Variants in EXTL1 observed in about 807,000 individuals in gnomAD.
EXTL1 encodes exostosin like glycosyltransferase 1, also known as exostosin-like 1.
Under a neutral mutation model 64.6 loss-of-function variants are expected in EXTL1, and 43 were observed. The ratio of observed to expected loss-of-function variants is 0.67; its 90% CI spans 0.52 to 0.86. The LOEUF (loss-of-function observed/expected upper bound fraction) is 0.86. Ranked by LOEUF, EXTL1 falls within the 40% of genes least tolerant of loss-of-function variation. The probability of loss-of-function intolerance (pLI) is 0.00; values close to 1 mark genes in which losing one functional copy is unlikely to be tolerated. For synonymous variants in EXTL1, 352 were observed against 360.5 expected (o/e 0.98, Z 0.27); for missense variants, 766 against 879.0 (o/e 0.87, Z 1.62).
chr1:26,027,693 A>AAAAAAAAAAAAAAAAAAAAAAAAG (rs1553141858), intron 1 of EXTL1, among the ~76,000 whole-genome samples: 3 of 131,456 alleles, frequency 2.3e-5, no homozygotes, highest in Admixed American at 7.6e-5. Flanking sequence ...CATCTCTAAA[A>AAAAAAAAAAAAAAAAAAAAAAAAG]AAAAAAAAAA....
In EXTL1 at chr1:26,033,320, G is replaced by A. The variant is rs746824263; in HGVS notation, c.1518+5G>A. On this transcript the variant is annotated splice_donor_5th_base_variant and intron_variant, in intron 8 of 10. Coordinates refer to ENST00000374280, the MANE Select transcript of EXTL1 (RefSeq NM_004455.3). This position sits in a 1 kb window ranked among gnomAD's most constrained non-coding sequence, Gnocchi z 5.1. Reference sequence around the variant, plus strand: ...AGCAGTCTTTCCACAAGTGAGGTGAGGGCTGGGCCCAAGAGAAGCCCAGTG... The same window carrying A: ...AGCAGTCTTTCCACAAGTGAGGTGAAGGCTGGGCCCAAGAGAAGCCCAGTG... 1 of 1,612,876 alleles carries A rather than the reference G, an allele frequency of 6.2e-7. No homozygotes were observed. Among genetic ancestry groups the A allele is most frequent in the South Asian group, 1.1e-5 (1 of 91,052 alleles).
intron 1 of EXTL1, among the ~76,000 whole-genome samples, chr1:26,023,760 T>C (rs1291891069): frequency 6.6e-6 from 1 of 152,256 alleles, no homozygotes; most frequent in African/African-American, 2.4e-5. Context: ...TAAGCACTTA[T>C]ATAAATAATG....
chr1:26,031,995 G>C (rs1291218981), intron 6 of EXTL1: 1 of 222,834 alleles, frequency 4.5e-6, no homozygotes, highest in Non-Finnish European at 8.7e-6. Context: ...AAGTGAAGCA[G>C]TTAGCTCAGC....
At position 26,023,095 on chromosome 1, in the gene EXTL1, C is replaced by T; in HGVS notation, c.449C>T (p.Pro150Leu). Reference sequence around the variant, plus strand: ...CAGACTGGAGAGTGCAGCTCAATGCCTCTGCAATGGAACAGGGGCAGGAAC... The same window carrying T: ...CAGACTGGAGAGTGCAGCTCAATGCTTCTGCAATGGAACAGGGGCAGGAAC... ...DAQTGECSSM[P>L]LQWNRGRNHL... Residue 150 changes from proline to leucine, a missense_variant, in exon 1 of 11, where the codon CCT becomes CTT. Pro to Leu is a moderately conservative substitution (Grantham distance 98, BLOSUM62 -3). This residue lies in a region of EXTL1 where 571 missense variants were observed against 647.6 expected (regional missense o/e 0.88). Transcript: ENST00000374280. 1 of 1,613,722 alleles carries T rather than the reference C, an allele frequency of 6.2e-7. No homozygotes were observed. Among genetic ancestry groups the T allele is most frequent in the African/African-American group, 1.3e-5 (1 of 75,070 alleles).
rs1412793516 is a variant in EXTL1 at position 26,032,433 on chromosome 1, C to G, written c.1379C>G (p.Ser460Cys). ...VLWSNERPLPSRWPETAVPLT... is the reference protein window; with the variant it reads ...VLWSNERPLPCRWPETAVPLT... ...TGGAGCAATGAGAGGCCACTCCCAT[C>G]CAGGTGGCCGGAGACAGCTGTGCCC... is the stretch of plus-strand genomic sequence containing the variant. Residue 460 changes from serine (S) to cysteine (C), a missense_variant, in exon 7 of 11, where the codon TCC becomes TGC. Physicochemically the swap from Ser to Cys is moderately radical, Grantham distance 112. This residue lies in a region of EXTL1 where 571 missense variants were observed against 647.6 expected (regional missense o/e 0.88). Transcript: ENST00000374280. 1 of 1,556,196 alleles carries G rather than the reference C, an allele frequency of 6.4e-7. No individual in the cohort carries two copies. Among genetic ancestry groups the G allele is most frequent in the Non-Finnish European group, 8.7e-7 (1 of 1,149,470 alleles).
rs747059384 is a variant in EXTL1 at position 26,022,943 on chromosome 1, C to T, written c.297C>T (p.Phe99=). The change falls in exon 1 of 11, where the codon TTC becomes TTT. Residue 99 remains phenylalanine, a synonymous_variant. Transcript: ENST00000374280. ...SKCRGDGLKV[F]VYPAVGTISE... The stretch of plus-strand genomic sequence containing the variant: ...GCAGGGGCGATGGCCTTAAGGTATT[C>T]GTGTACCCAGCGGTTGGAACCATCT... 3.1e-6 allele frequency: 5 copies of T among 1,614,122 alleles called. No homozygotes were observed. In the South Asian group the frequency reaches 4.4e-5, roughly 14 times the overall value.
At position 26,031,712 on chromosome 1, in the gene EXTL1, T is replaced by A. The variant is rs562041388; in HGVS notation, c.1341+146T>A. On this transcript the variant is annotated intron_variant, in intron 6 of 10. Coordinates refer to ENST00000374280, the MANE Select transcript of EXTL1 (RefSeq NM_004455.3). ...TTCCAAGTGTTCTTGCTGCCTCCTG[T>A]AAGTCCCAAGATTCTGTTGCCTTTT... 9.7e-5 allele frequency: 48 copies of A among 493,522 alleles called. No homozygotes were observed. The East Asian group carries it at 1.6e-3, about 16-fold the overall frequency. 30.6% of individuals were successfully genotyped at this position (493,522 alleles called of 1,614,324 possible).
chr1:26,036,169 T>C lies in EXTL1; in HGVS notation c.*822T>C, dbSNP rs935390191. 8 of 152,716 alleles carry C rather than the reference T, an allele frequency of 5.2e-5. No homozygotes were observed. The highest frequency in any genetic ancestry group is 1.0e-4 in the Non-Finnish European group (7 of 68,086). The allele number at this position is 152,716 out of a possible 1,614,324, so 9.5% of individuals were successfully genotyped here. A position where few individuals can be genotyped will look rare whatever the true frequency, so the allele number is the denominator to read the frequency against. Reference sequence around the variant, plus strand: ...CGTCGCGCCGCACTCTTCACCCGCATGTCCAGAGGGCGGCCGGGATGTGGA... The same window carrying C: ...CGTCGCGCCGCACTCTTCACCCGCACGTCCAGAGGGCGGCCGGGATGTGGA... On this transcript the variant is annotated 3_prime_UTR_variant, in exon 11 of 11. Transcript: ENST00000374280. This position sits in a 1 kb window ranked among gnomAD's most constrained non-coding sequence, Gnocchi z 5.2.
At chr1:26,029,085 G>A (rs2050249660) in intron 1 of EXTL1, 108 bp from the exon 2 acceptor site, 1 of 690,560 alleles carries the variant, frequency 1.4e-6, no homozygotes. Flanking sequence ...ATTTGGGAGT[G>A]TGGGTGTGGG....
At position 26,023,066 on chromosome 1, in the gene EXTL1, C is replaced by T. The variant is rs967306182; in HGVS notation, c.420C>T (p.Asp140=). 11 of 1,613,606 alleles carry T rather than the reference C, an allele frequency of 6.8e-6. No homozygotes were observed. Among genetic ancestry groups the T allele is most frequent in the African/African-American group, 4.0e-5 (3 of 74,942 alleles). Residue 140 remains aspartate (D), a synonymous_variant, in exon 1 of 11, where the codon GAC becomes GAT. Coordinates refer to ENST00000374280, the MANE Select transcript of EXTL1 (RefSeq NM_004455.3). ...GCCTCCTCCTCCTCCTCAGCCTGGA[C>T]GCCCAGACTGGAGAGTGCAGCTCAA... is the stretch of plus-strand genomic sequence containing the variant. The part of the protein sequence containing the change: ...GACLLLLLSL[D]AQTGECSSMP...
chr1:26,031,113 A>T lies in EXTL1; in HGVS notation c.1102-19A>T, dbSNP rs892263618. 3 of 1,613,810 alleles carry T rather than the reference A, an allele frequency of 1.9e-6. No homozygotes were observed. The highest frequency in any genetic ancestry group is 2.5e-6 in the Non-Finnish European group (3 of 1,179,868). ...GTCACACAGGCCACTCGCTCTGCTC[A>T]GCTTCTCTCTCATTTTAGGTTATTC... On this transcript the variant is annotated intron_variant, in intron 4 of 10. Transcript: ENST00000374280.
chr1:26,030,914 A>G (rs1403683789), intron 4 of EXTL1, among the ~76,000 whole-genome samples: 1 of 152,198 alleles, frequency 6.6e-6, no homozygotes, highest in Non-Finnish European at 1.5e-5. Context: ...ATGACCCATT[A>G]GTGACATCTG....
At chr1:26,027,315 T>C (rs540792571) in intron 1 of EXTL1, among the ~76,000 whole-genome samples, 3 of 152,274 alleles carry the variant, frequency 2.0e-5, no homozygotes, top group African/African-American at 4.8e-5. Context: ...AGTTTTCTCA[T>C]CTGTAAAATG....
chr1:26,023,960 C>T (rs1462619746), intron 1 of EXTL1, among the ~76,000 whole-genome samples: 2 of 152,194 alleles, frequency 1.3e-5, no homozygotes, highest in African/African-American at 2.4e-5. Context: ...TGATCAACCT[C>T]ATCAAATGCC....
At chr1:26,026,665 G>T (rs1463326237) in intron 1 of EXTL1, among the ~76,000 whole-genome samples, 2 of 151,998 alleles carry the variant, frequency 1.3e-5, no homozygotes, top group Non-Finnish European at 2.9e-5. Context: ...TTTTTTTATG[G>T]CAGGAGAGAC....
At chr1:26,024,855 T>C (rs539597021) in intron 1 of EXTL1, among the ~76,000 whole-genome samples, 45 of 152,330 alleles carry the variant, frequency 3.0e-4, no homozygotes, top group African/African-American at 8.7e-4. Flanking sequence ...CAGTTCATTA[T>C]TGATGAACCT....
chr1:26,035,418 G>C lies in EXTL1; in HGVS notation c.*71G>C. Reference sequence around the variant, plus strand: ...CAGGGGGCCCGGCGCCTGCCGGCGGGCTCCGCTCTTGGGACACCGGAGAAC... The same window carrying C: ...CAGGGGGCCCGGCGCCTGCCGGCGGCCTCCGCTCTTGGGACACCGGAGAAC... On this transcript the variant is annotated 3_prime_UTR_variant, in exon 11 of 11. Transcript: ENST00000374280. This position sits in a 1 kb window ranked among gnomAD's most constrained non-coding sequence, Gnocchi z 5.3. 1.4e-5 allele frequency: 20 copies of C among 1,431,872 alleles called. No homozygotes were observed. Among genetic ancestry groups the C allele is most frequent in the Non-Finnish European group, 1.9e-5 (20 of 1,061,404 alleles). The allele number at this position is 1,431,872 out of a possible 1,614,324, so 88.7% of individuals were successfully genotyped here.
Position 26,029,707 on chromosome 1 carries a change from G to A in EXTL1, c.981G>A (p.Gln327=). The change falls in exon 3 of 11, where the codon CAG becomes CAA. Residue 327 remains glutamine, a splice_region_variant and synonymous_variant. Transcript: ENST00000374280. ...AIVADERLPL[Q]VLAALQEMSP... ...TAGCTGATGAGAGGCTCCCACTTCAGGTAGCTCAGAGCCCTGCCCACAGGG... is the reference window on the plus strand; with the variant it reads ...TAGCTGATGAGAGGCTCCCACTTCAAGTAGCTCAGAGCCCTGCCCACAGGG... The A allele has an allele frequency of 3.1e-6, 5 of 1,603,816 alleles. No homozygotes were observed. The highest frequency in any genetic ancestry group is 4.3e-6 in the Non-Finnish European group (5 of 1,172,508).
chr1:26,028,252 T>C (rs2736833), intron 1 of EXTL1, among the ~76,000 whole-genome samples: 134,228 of 152,238 alleles, frequency 0.88, 59,325 homozygotes, highest in East Asian at 0.93. Context: ...CCAGCTCCAC[T>C]CAACCCTATC....
Sources: allele counts gnomAD v4.1 joint callset (sites outside exome capture counted in the v4.1 genomes callset), GRCh38; gene constraint gnomAD v4.1.1; regional missense constraint gnomAD v4.1.1; non-coding constraint Gnocchi (gnomAD v3.1); transcripts MANE v1.5; gene names NCBI Gene and HGNC (gene_info 2026-07-23, HGNC 2026-07-21).